RAB4A: variants seen among roughly 807,000 people sequenced by gnomAD.
RAB4A encodes the protein ras-related protein Rab-4A.
A neutral mutation model predicts 34.5 loss-of-function variants in RAB4A; 20 were observed. That is an observed-to-expected ratio of 0.58 (90% confidence interval 0.41 to 0.84). The LOEUF (loss-of-function observed/expected upper bound fraction) is 0.84. RAB4A is among the 40% of genes least tolerant of loss of function. RAB4A has a pLI of 0.00. For synonymous variants in RAB4A, 102 were observed against 100.0 expected, an observed-to-expected ratio of 1.02 and a Z score of -0.12; for missense variants, 228 against 274.5, an observed-to-expected ratio of 0.83 and a Z score of 1.20.
intron 6 of RAB4A, among the ~76,000 whole-genome samples, chr1:229,302,582 T>C (rs1484578677): frequency 6.6e-6 from 1 of 151,620 alleles, no homozygotes; most frequent in East Asian, 1.9e-4. Context: ...TAATTTGAAA[T>C]TCAAGAAGTA....
chr1:229,284,227 G>C (rs186692489), intron 1 of RAB4A, among the ~76,000 whole-genome samples: 55 of 150,624 alleles, frequency 3.7e-4, no homozygotes, highest in African/African-American at 1.3e-3. Flanking sequence ...AGCCTCCTGA[G>C]TAGCTGGGAT....
Position 229,288,765 on chromosome 1 carries a change from T to C in RAB4A, c.149T>C (p.Phe50Ser), listed in dbSNP as rs1656987779. The C allele has an allele frequency of 6.3e-7, 1 of 1,590,296 alleles. No homozygotes were observed. Among genetic ancestry groups the C allele is most frequent in the South Asian group, 1.1e-5 (1 of 89,820 alleles). ...DDSNHTIGVE[F>S]GSKIINVGGK... Reference sequence around the variant, plus strand: ...TCAAATCATACAATAGGAGTGGAATTTGGTTCAAAGATAATAAATGTTGGT... The same window carrying C: ...TCAAATCATACAATAGGAGTGGAATCTGGTTCAAAGATAATAAATGTTGGT... The change falls in exon 3 of 8, where the codon TTT becomes TCT. Residue 50 changes from phenylalanine (F) to serine (S), a missense_variant. By Grantham distance (155) the Phe-to-Ser change is radical. Transcript: ENST00000366690.
intron 4 of RAB4A, 91 bp from the exon 5 acceptor site, chr1:229,297,391 T>C (rs777693727): frequency 7.5e-7 from 1 of 1,338,214 alleles, no homozygotes; most frequent in Non-Finnish European, 1.0e-6. Flanking sequence ...CCCTGAAATG[T>C]TGAAAAGCGG....
chr1:229,284,082 TGG>T (rs1491563602), intron 1 of RAB4A, among the ~76,000 whole-genome samples: 29 of 145,662 alleles, frequency 2.0e-4, no homozygotes, highest in African/African-American at 7.4e-4. Flanking sequence ...TTTTTGTTGT[TGG>T]TGTTGTTTGG....
At chr1:229,290,660 G>T (rs1033300624) in intron 3 of RAB4A, among the ~76,000 whole-genome samples, 4 of 152,208 alleles carry the variant, frequency 2.6e-5, no homozygotes, top group African/African-American at 9.6e-5. Context: ...CTGGAACTTT[G>T]AGGGAGTAAG....
chr1:229,277,265 C>T lies in RAB4A; in HGVS notation c.31+5895C>T, dbSNP rs145091072. ...GTGCTGCAAATGTTAAATTTACAAG[C>T]GTCAGGATTCCGCTGTGCCGACAAC... On this transcript the variant is annotated intron_variant, in intron 1 of 7. Coordinates refer to ENST00000366690, the MANE Select transcript of RAB4A (RefSeq NM_004578.4). 3.4e-3 allele frequency among the ~76,000 whole-genome samples: 512 copies of T among 150,884 alleles called. 33 individuals are homozygous for T. Among genetic ancestry groups the T allele is most frequent in the African/African-American group, 0.012 (465 of 40,384 alleles).
chr1:229,294,118 A>G (rs1318598970), intron 3 of RAB4A, among the ~76,000 whole-genome samples: 2 of 152,180 alleles, frequency 1.3e-5, no homozygotes, highest in Non-Finnish European at 2.9e-5. Flanking sequence ...GTGCGTGGTG[A>G]TGCCTCTTCC....
At chr1:229,272,125 T>C (rs2102829117) in intron 1 of RAB4A, among the ~76,000 whole-genome samples, 1 of 152,252 alleles carries the variant, frequency 6.6e-6, no homozygotes, top group Non-Finnish European at 1.5e-5. Flanking sequence ...TGCTTTTTTT[T>C]TTTTCTCCCC....
chr1:229,277,681 C>G, intron 1 of RAB4A, among the ~76,000 whole-genome samples: 1 of 151,202 alleles, frequency 6.6e-6, no homozygotes, highest in Non-Finnish European at 1.5e-5. Flanking sequence ...TTGCAGAGGT[C>G]AATCAACAAC....
At chr1:229,293,323 T>C (rs1657143539) in intron 3 of RAB4A, among the ~76,000 whole-genome samples, 1 of 152,158 alleles carries the variant, frequency 6.6e-6, no homozygotes. Flanking sequence ...CCAGCTCCTC[T>C]TTCCTCCCCA....
At position 229,288,734 on chromosome 1, in the gene RAB4A, G is replaced by T; in HGVS notation, c.118G>T (p.Asp40Tyr). The T allele has an allele frequency of 6.6e-7, 1 of 1,504,080 alleles. No homozygotes were observed. Among genetic ancestry groups the T allele is most frequent in the Admixed American group, 1.8e-5 (1 of 54,112 alleles). 93.2% of individuals were successfully genotyped at this position (1,504,080 alleles called of 1,614,324 possible). ...LHQFIEKKFK[D>Y]DSNHTIGVEF... Reference sequence around the variant, plus strand: ...TTCTTGTTTTTCTTTTTTAGTCAAAGATGACTCAAATCATACAATAGGAGT... The same window carrying T: ...TTCTTGTTTTTCTTTTTTAGTCAAATATGACTCAAATCATACAATAGGAGT... Residue 40 changes from aspartate (D) to tyrosine (Y), a missense_variant, in exon 3 of 8, where the codon GAT (aspartate) becomes TAT (tyrosine). Physicochemically the swap from Asp to Tyr is radical, Grantham distance 160 (BLOSUM62 -3). Transcript: ENST00000366690.
At position 229,305,155 on chromosome 1, in the gene RAB4A, A is replaced by C. The variant is rs1657518453; in HGVS notation, c.*1362A>C. 1 of 1,593,418 alleles carries C rather than the reference A, an allele frequency of 6.3e-7. No individual in the cohort carries two copies. On this transcript the variant is annotated 3_prime_UTR_variant, in exon 8 of 8. Coordinates refer to ENST00000366690, the MANE Select transcript of RAB4A (RefSeq NM_004578.4). The stretch of plus-strand genomic sequence containing the variant: ...GGGAAATGACTAGGATAAAAATATC[A>C]GTATGTATCTGTTTTAGATATTTTG...
intron 1 of RAB4A, among the ~76,000 whole-genome samples, chr1:229,277,603 A>C (rs566384109): frequency 6.6e-6 from 1 of 151,314 alleles, no homozygotes. Context: ...TTTTTCAACA[A>C]GGTCATCTAT....
chr1:229,297,788 T>C, intron 5 of RAB4A, 152 bp downstream of exon 5: 1 of 879,368 alleles, frequency 1.1e-6, no homozygotes, highest in Non-Finnish European at 1.6e-6. Flanking sequence ...AAATTAGACC[T>C]ATTAAGCATA....
chr1:229,298,924 A>C (rs1480317117), intron 5 of RAB4A, 53 bp from the exon 6 acceptor site: 1 of 1,363,478 alleles, frequency 7.3e-7, no homozygotes, highest in Non-Finnish European at 1.0e-6. Flanking sequence ...TTGTAAGTGA[A>C]AATTATGATC....
rs928894200 is a variant in RAB4A, at chr1:229,304,608, C to T, written c.*815C>T. ...ATAGACCATGTAAGCTGGGGCCGCT[C>T]ATCCACTTCCAGTTTGCTGGTCTCC... On this transcript the variant is annotated 3_prime_UTR_variant, in exon 8 of 8. Transcript: ENST00000366690. 1.3e-5 allele frequency: 2 copies of T among 152,266 alleles called. No individual in the cohort carries two copies. Among genetic ancestry groups the T allele is most frequent in the African/African-American group, 4.8e-5 (2 of 41,468 alleles). The allele number at this position is 152,266 out of a possible 1,614,324, so 9.4% of individuals were successfully genotyped here.
rs1247166605 is a variant in RAB4A at position 229,304,849 on chromosome 1, A to G, written c.*1056A>G. 2 of 178,442 alleles carry G rather than the reference A, an allele frequency of 1.1e-5. No homozygotes were observed. The highest frequency in any genetic ancestry group is 2.3e-5 in the Non-Finnish European group (2 of 85,886). The allele number at this position is 178,442 out of a possible 1,614,324, so 11.1% of individuals were successfully genotyped here. A position where few individuals can be genotyped will look rare whatever the true frequency, so the allele number is the denominator to read the frequency against. ...TATCCAGTTGACATGTTTTTAATTCATATAAGGTATATTGGGTATATTGAA... is the reference window on the plus strand; with the variant it reads ...TATCCAGTTGACATGTTTTTAATTCGTATAAGGTATATTGGGTATATTGAA... On this transcript the variant is annotated 3_prime_UTR_variant, in exon 8 of 8. Transcript: ENST00000366690.
intron 2 of RAB4A, among the ~76,000 whole-genome samples, chr1:229,288,191 T>C (rs916935084): frequency 6.6e-6 from 1 of 152,084 alleles, no homozygotes. Context: ...TGGAGGGTGC[T>C]TTGTTTTGGG....
intron 4 of RAB4A, among the ~76,000 whole-genome samples, chr1:229,296,157 TATTAC>T (rs560197316): frequency 8.5e-4 from 130 of 152,368 alleles, no homozygotes; most frequent in African/African-American, 3.0e-3. Flanking sequence ...CAATCCATGC[TATTAC>T]ATTACATTTC....
Sources: gnomAD v4.1 joint callset for allele counts (sites outside exome capture counted in the v4.1 genomes callset) on GRCh38, gnomAD v4.1.1 for gene constraint, MANE v1.5 for transcripts, NCBI Gene and HGNC (gene_info 2026-07-23, HGNC 2026-07-21) for gene names.